Variants in PLEKHH2 observed in about 807,000 individuals in gnomAD.
The protein encoded by PLEKHH2 is pleckstrin homology domain-containing family H member 2.
Under a neutral mutation model 187.9 loss-of-function variants are expected in PLEKHH2, and 129 were observed. That is an observed-to-expected ratio of 0.69 (90% CI 0.59 to 0.79). The LOEUF (loss-of-function observed/expected upper bound fraction) is 0.79. Ranked by LOEUF, PLEKHH2 falls within the 30% of genes least tolerant of loss-of-function variation. The pLI is 0.00. For missense variants in PLEKHH2, 2,076 were observed against 1,751.2 expected (o/e 1.19, Z -3.31); for synonymous variants, 686 against 605.6 (o/e 1.13, Z -1.95).
intron 2 of PLEKHH2, among the ~76,000 whole-genome samples, chr2:43,647,465 C>A (rs1464901637): frequency 6.6e-6 from 1 of 152,162 alleles, no homozygotes; most frequent in Non-Finnish European, 1.5e-5. Context: ...ACCTTCCTTG[C>A]CTTCTCTGAT....
At chr2:43,701,767 A>ATTTT (rs34664734) in intron 8 of PLEKHH2, among the ~76,000 whole-genome samples, 3 of 130,942 alleles carry the variant, frequency 2.3e-5, no homozygotes, top group Admixed American at 7.9e-5. Context: ...TTTAATTTTA[A>ATTTT]TTTTTTTTTT....
At chr2:43,731,378 C>A (rs115285829) in intron 18 of PLEKHH2, 112 bp from the exon 19 acceptor site, 1 of 704,176 alleles carries the variant, frequency 1.4e-6, no homozygotes, top group Non-Finnish European at 2.4e-6. Flanking sequence ...ACCTTTGTGA[C>A]TTAAAGTTGT....
intron 3 of PLEKHH2, among the ~76,000 whole-genome samples, chr2:43,682,989 G>A (rs1558481193): frequency 6.6e-6 from 1 of 151,674 alleles, no homozygotes; most frequent in Non-Finnish European, 1.5e-5. Flanking sequence ...GACTTTTTAT[G>A]GACATTGTCT....
At chr2:43,733,215 TAGCCG>T (rs1263453242) in intron 19 of PLEKHH2, among the ~76,000 whole-genome samples, 11 of 151,878 alleles carry the variant, frequency 7.2e-5, no homozygotes, top group Non-Finnish European at 1.5e-4. Context: ...ATACAAAAAT[TAGCCG>T]AGTGTGATGG....
At chr2:43,757,370 A>C in intron 26 of PLEKHH2, 106 bp downstream of exon 26, 72 of 947,260 alleles carry the variant, frequency 7.6e-5, no homozygotes, top group Non-Finnish European at 9.7e-5. Context: ...CAGCTTTCTC[A>C]AGATTTTTTT....
At chr2:43,680,465 A>G (rs941977060) in intron 3 of PLEKHH2, 24 of 157,862 alleles carry the variant, frequency 1.5e-4, no homozygotes, top group African/African-American at 5.3e-4. Context: ...TATTTCTCCT[A>G]AGAAGTGCAT....
At chr2:43,666,397 T>C (rs911369584) in intron 2 of PLEKHH2, among the ~76,000 whole-genome samples, 22 of 151,546 alleles carry the variant, frequency 1.5e-4, no homozygotes, top group East Asian at 3.9e-4. Flanking sequence ...GAGATGAACC[T>C]GGTACCTCAG....
Position 43,677,463 on chromosome 2 carries a change from C to T in PLEKHH2, c.124-1400C>T, listed in dbSNP as rs148631497. ...AGCATATCTTGCAACGCCCTTAATC[C>T]ATTTAACCCTGAGTGGACACAGCAC... On this transcript the variant is annotated intron_variant, in intron 2 of 29. Transcript: ENST00000282406. Among the ~76,000 whole-genome samples, 29 of 152,208 alleles carry T rather than the reference C, an allele frequency of 1.9e-4. No homozygotes were observed. In the East Asian group the frequency reaches 5.6e-3, roughly 29 times the overall value.
intron 1 of PLEKHH2, 47 bp from the exon 2 acceptor site, chr2:43,644,624 G>T: frequency 7.2e-7 from 1 of 1,381,796 alleles, no homozygotes; most frequent in South Asian, 1.4e-5. Flanking sequence ...TGTAGCATTT[G>T]AATGTTTTAC....
chr2:43,642,692 A>T (rs906035342), intron 1 of PLEKHH2, among the ~76,000 whole-genome samples: 1 of 151,712 alleles, frequency 6.6e-6, no homozygotes, highest in Non-Finnish European at 1.5e-5. Context: ...TTGTTGAATG[A>T]TTTTTCTGTG....
intron 1 of PLEKHH2, among the ~76,000 whole-genome samples, chr2:43,638,128 G>A (rs1222541734): frequency 6.6e-6 from 1 of 152,128 alleles, no homozygotes; most frequent in Admixed American, 6.5e-5. Context: ...TGAGGAGCTC[G>A]GCTGTTCTGG....
chr2:43,666,718 C>G (rs1190125938), intron 2 of PLEKHH2, among the ~76,000 whole-genome samples: 5 of 152,160 alleles, frequency 3.3e-5, no homozygotes, highest in Admixed American at 3.3e-4. Context: ...TGTTGACCAT[C>G]TTTTTACGTA....
intron 28 of PLEKHH2, among the ~76,000 whole-genome samples, chr2:43,762,768 G>T (rs189285467): frequency 2.0e-5 from 3 of 152,046 alleles, no homozygotes; most frequent in African/African-American, 7.2e-5. Flanking sequence ...TTTCACTAAG[G>T]CTTCTTTAAC....
intron 2 of PLEKHH2, among the ~76,000 whole-genome samples, chr2:43,650,214 C>T (rs1222678496): frequency 1.4e-5 from 2 of 141,454 alleles, no homozygotes; most frequent in African/African-American, 5.4e-5. Flanking sequence ...GCAGTGGTGC[C>T]TTCTGCCCCC....
intron 15 of PLEKHH2, among the ~76,000 whole-genome samples, chr2:43,713,413 G>C (rs906173368): frequency 6.6e-5 from 10 of 152,042 alleles, no homozygotes; most frequent in African/African-American, 1.9e-4. Flanking sequence ...GATCAAATTA[G>C]ATGTAGGGTA....
chr2:43,748,552 C>T lies in PLEKHH2; in HGVS notation c.3653+2589C>T, dbSNP rs192238347. On this transcript the variant is annotated intron_variant, in intron 24 of 29. Coordinates refer to ENST00000282406, the MANE Select transcript of PLEKHH2 (RefSeq NM_172069.4). Reference sequence around the variant, plus strand: ...GCAAATCATTAGGCCCCACTTCAGACCCACTGAGTCAGAATTTCCGGGGGT... The same window carrying T: ...GCAAATCATTAGGCCCCACTTCAGATCCACTGAGTCAGAATTTCCGGGGGT... Among the ~76,000 whole-genome samples, 180 of 152,336 alleles carry T rather than the reference C, an allele frequency of 1.2e-3. 1 individual carries two copies. The highest frequency in any genetic ancestry group is 4.1e-3 in the African/African-American group (172 of 41,564).
intron 2 of PLEKHH2, among the ~76,000 whole-genome samples, chr2:43,673,353 T>C (rs879258629): frequency 1.6e-4 from 24 of 152,252 alleles, no homozygotes; most frequent in Non-Finnish European, 2.9e-4. Context: ...TTGTGACTTT[T>C]AGTTTTATCA....
intron 28 of PLEKHH2, among the ~76,000 whole-genome samples, chr2:43,762,681 G>A (rs1159234778): frequency 6.6e-6 from 1 of 152,180 alleles, no homozygotes; most frequent in African/African-American, 2.4e-5. Context: ...GTGTTAAGAA[G>A]ATTGTTTCCT....
rs929906271 is a variant in PLEKHH2, at chr2:43,738,468, T to C, written c.3071T>C (p.Leu1024Pro). Residue 1024 changes from leucine to proline, a missense_variant, in exon 20 of 30, where the codon CTT becomes CCT. By Grantham distance (98) the Leu-to-Pro change is moderately conservative. Transcript: ENST00000282406. Reference sequence around the variant, plus strand: ...CTGCAGAATGAAATTTGCTGTCAGCTTATTAAACAGACAAGACGAAGACAG... The same window carrying C: ...CTGCAGAATGAAATTTGCTGTCAGCCTATTAAACAGACAAGACGAAGACAG... Reference protein sequence around the residue: ...PELQNEICCQLIKQTRRRQPQ... With the variant: ...PELQNEICCQPIKQTRRRQPQ... The C allele has an allele frequency of 6.2e-7, 1 of 1,613,912 alleles. No homozygotes were observed. Among genetic ancestry groups the C allele is most frequent in the Non-Finnish European group, 8.5e-7 (1 of 1,179,860 alleles).
Sources: gnomAD v4.1 joint callset for allele counts (sites outside exome capture counted in the v4.1 genomes callset) on GRCh38, gnomAD v4.1.1 for gene constraint, MANE v1.5 for transcripts, NCBI Gene and HGNC (gene_info 2026-07-23, HGNC 2026-07-21) for gene names.